The following CEP162 variants were observed in gnomAD, a reference collection of about 807,000 sequenced individuals.
CEP162 encodes the protein centrosomal protein of 162 kDa.
A neutral mutation model predicts 169.2 loss-of-function variants in CEP162; 141 were observed. The observed-to-expected ratio is 0.83, with a 90% CI of 0.73 to 0.96. CEP162 has a LOEUF of 0.96. Among genes scored for constraint, CEP162 ranks in the 40% least tolerant of loss-of-function variants. CEP162 has a pLI of 0.00. For missense variants in CEP162, 1,600 were observed against 1,587.2 expected (o/e 1.01, Z -0.14); for synonymous variants, 540 against 526.4 (o/e 1.03, Z -0.35).
intron 9 of CEP162, among the ~76,000 whole-genome samples, chr6:84,200,107 G>A (rs2099543875): frequency 6.6e-6 from 1 of 152,090 alleles, no homozygotes; most frequent in South Asian, 2.1e-4. Flanking sequence ...AAAAAAATTA[G>A]CCTGGTGTGG....
rs190745936 is a variant in CEP162 at position 84,171,392 on chromosome 6, A to T, written c.2279+214T>A. ...ATGAACATAAATTCATATGAATTCA[A>T]ATATGAATATGCTGAAAATACTATC... On this transcript the variant is annotated intron_variant, in intron 17 of 26. Transcript: ENST00000403245. Among the ~76,000 whole-genome samples, 690 of 152,320 alleles carry T rather than the reference A, an allele frequency of 4.5e-3. 7 individuals carry two copies. Among genetic ancestry groups the T allele is most frequent in the African/African-American group, 0.016 (658 of 41,566 alleles).
intron 18 of CEP162, among the ~76,000 whole-genome samples, chr6:84,163,694 G>A (rs1173966582): frequency 6.6e-6 from 1 of 151,822 alleles, no homozygotes; most frequent in African/African-American, 2.4e-5. Context: ...GGCCAGGCGT[G>A]GTGGCTCATG....
chr6:84,147,320 C>G (rs543849592), intron 24 of CEP162, among the ~76,000 whole-genome samples: 2 of 151,942 alleles, frequency 1.3e-5, no homozygotes, highest in South Asian at 4.2e-4. Flanking sequence ...CAATAGATAC[C>G]AGAGATGGGA....
At chr6:84,212,814 C>T in intron 6 of CEP162, 143 bp downstream of exon 6, 1 of 547,924 alleles carries the variant, frequency 1.8e-6, no homozygotes, top group Non-Finnish European at 3.1e-6. Flanking sequence ...CTTAGCAGCT[C>T]AGTTTATAAC....
chr6:84,193,472 A>T (rs934060004), intron 11 of CEP162, 137 bp downstream of exon 11: 1 of 484,374 alleles, frequency 2.1e-6, no homozygotes, highest in African/African-American at 2.0e-5. Context: ...GTAAGGACAA[A>T]TATAAAAAGA....
At chr6:84,165,457 C>G (rs1157934424) in intron 18 of CEP162, among the ~76,000 whole-genome samples, 1 of 152,000 alleles carries the variant, frequency 6.6e-6, no homozygotes, top group Admixed American at 6.6e-5. Flanking sequence ...TTAAGCTAAG[C>G]TATTCCTGAT....
intron 25 of CEP162, among the ~76,000 whole-genome samples, chr6:84,129,646 C>A (rs191860814): frequency 6.6e-6 from 1 of 151,496 alleles, no homozygotes; most frequent in South Asian, 2.1e-4. Flanking sequence ...CTGTTCACTC[C>A]GGTTTTTGCT....
intron 2 of CEP162, among the ~76,000 whole-genome samples, chr6:84,221,599 A>C (rs182662819): frequency 6.6e-5 from 10 of 152,324 alleles, no homozygotes; most frequent in Admixed American, 6.5e-4. Context: ...AGGAGGATGA[A>C]ATTGACCAAG....
At chr6:84,219,088 A>G (rs1228158336) in intron 3 of CEP162, 10 of 920,726 alleles carry the variant, frequency 1.1e-5, no homozygotes. Flanking sequence ...GCTCACTGTT[A>G]ATGTTTAATG....
At chr6:84,133,204 C>G (rs1388878764) in intron 25 of CEP162, among the ~76,000 whole-genome samples, 1 of 152,146 alleles carries the variant, frequency 6.6e-6, no homozygotes, top group African/African-American at 2.4e-5. Context: ...ATGTTGCTGC[C>G]TGATCCTTCC....
intron 6 of CEP162, among the ~76,000 whole-genome samples, chr6:84,210,267 AC>A (rs1438501693): frequency 6.6e-6 from 1 of 152,182 alleles, no homozygotes; most frequent in Non-Finnish European, 1.5e-5. Flanking sequence ...TTGTAAAAGA[AC>A]CTTTTGGAAG....
rs1011715621 is a variant in CEP162 at position 84,169,264 on chromosome 6, T to G, written c.2385+64A>C. On this transcript the variant is annotated intron_variant, in intron 18 of 26. Transcript: ENST00000403245. ...TGTAATTTTTTAATAAAAATTTGTA[T>G]AAAAATGGGGATTTTTATAAAACCT... is the stretch of plus-strand genomic sequence containing the variant. 11 of 896,344 alleles carry G rather than the reference T, an allele frequency of 1.2e-5. No homozygotes were observed. In the East Asian group the frequency reaches 3.1e-4, roughly 25 times the overall value. The allele number at this position is 896,344 out of a possible 1,614,324, so 55.5% of individuals were successfully genotyped here.
chr6:84,175,343 G>C lies in CEP162; in HGVS notation c.1668C>G (p.Ile556Met). 6.5e-7 allele frequency: 1 copy of C among 1,536,436 alleles called. No individual in the cohort carries two copies. The highest frequency in any genetic ancestry group is 1.2e-5 in the South Asian group (1 of 80,974). Residue 556 changes from isoleucine (I) to methionine (M), a missense_variant, in exon 14 of 27, where the codon ATC becomes ATG. Ile to Met is a conservative substitution (Grantham distance 10). Transcript: ENST00000403245. ...STSNQPRKKE[I>M]LSGTKLIKPA... Reference sequence around the variant, plus strand: ...GCTTGATGAGTTTTGTTCCAGATAAGATTTCTAAATATTATAAACAATGTA... The same window carrying C: ...GCTTGATGAGTTTTGTTCCAGATAACATTTCTAAATATTATAAACAATGTA...
chr6:84,223,670 G>A (rs1187876554), intron 2 of CEP162, among the ~76,000 whole-genome samples: 1 of 152,028 alleles, frequency 6.6e-6, no homozygotes, highest in East Asian at 1.9e-4. Context: ...ACTTTGAGAG[G>A]CCGAGGCAGG....
chr6:84,132,429 G>C (rs1188182910), intron 25 of CEP162, among the ~76,000 whole-genome samples: 2 of 152,176 alleles, frequency 1.3e-5, no homozygotes, highest in African/African-American at 4.8e-5. Context: ...ATAATATCCT[G>C]AAGAGTGTTT....
At position 84,169,373 on chromosome 6, in the gene CEP162, T is replaced by C; in HGVS notation, c.2340A>G (p.Arg780=). The C allele has an allele frequency of 6.3e-7, 1 of 1,583,974 alleles. No homozygotes were observed. The highest frequency in any genetic ancestry group is 8.6e-7 in the Non-Finnish European group (1 of 1,164,162). ...CTAACAGATCTGTAAAATTCTGATT[T>C]CTTGTGGGCTCTGAATCTTCAACTA... ...SQVVEDSEPT[R]NQNFTDLLAE... is the part of the protein sequence containing the mutation. The change falls in exon 18 of 27, where the codon AGA becomes AGG. Residue 780 remains arginine (R), a synonymous_variant. Transcript: ENST00000403245.
chr6:84,213,737 A>T (rs894840026), intron 5 of CEP162, among the ~76,000 whole-genome samples: 2 of 152,234 alleles, frequency 1.3e-5, no homozygotes, highest in Non-Finnish European at 2.9e-5. Context: ...ATAGATAAGA[A>T]TACTGTTAAG....
At position 84,185,291 on chromosome 6, in the gene CEP162, G is replaced by A. The variant is rs1478932859; in HGVS notation, c.1559C>T (p.Ser520Leu). 4 of 1,613,630 alleles carry A rather than the reference G, an allele frequency of 2.5e-6. No homozygotes were observed. Among genetic ancestry groups the A allele is most frequent in the East Asian group, 4.5e-5 (2 of 44,856 alleles). ...AAGAGTAGAAAACATCTTGAGTGGT[G>A]AACTGGGTTTGCCATAGCCTGAGCT... ...VRSSGYGKPS[S>L]PLKMFSTLEK... is the part of the protein sequence containing the mutation. The change falls in exon 13 of 27, where the codon TCA (serine) becomes TTA (leucine). Residue 520 changes from serine (S) to leucine (L), a missense_variant. Transcript: ENST00000403245.
chr6:84,200,987 A>T, intron 8 of CEP162, 82 bp from the exon 9 acceptor site: 1 of 890,522 alleles, frequency 1.1e-6, no homozygotes, highest in Non-Finnish European at 1.8e-6. Context: ...TTTTAAACAT[A>T]TGCAATGCAG....
Sources: allele counts gnomAD v4.1 joint callset (sites outside exome capture counted in the v4.1 genomes callset), GRCh38; gene constraint gnomAD v4.1.1; transcripts MANE v1.5; gene names NCBI Gene and HGNC (gene_info 2026-07-23, HGNC 2026-07-21).